XRCC3: variants seen among roughly 807,000 people sequenced by gnomAD.
XRCC3 encodes the protein X-ray repair cross complementing 3.
In XRCC3, 34 loss-of-function variants were observed where a neutral mutation model predicts 29.2. The observed-to-expected ratio is 1.16, with a 90% CI of 0.88 to 1.55. XRCC3 has a LOEUF of 1.55. Ranked by LOEUF, XRCC3 falls within the 40% of genes most tolerant of loss-of-function variation. XRCC3 has a pLI of 0.00. For synonymous variants in XRCC3, 223 were observed against 211.3 expected (o/e 1.06, Z -0.48); for missense variants, 463 against 467.6 (o/e 0.99, Z 0.09).
chr14:103,710,841 C>A, intron 4 of XRCC3, 192 bp downstream of exon 4: 1 of 551,214 alleles, frequency 1.8e-6, no homozygotes, highest in Non-Finnish European at 3.2e-6. Flanking sequence ...GAAAGAAATC[C>A]ATGTAGTTAA....
intron 6 of XRCC3, chr14:103,703,673 T>A: frequency 1.6e-5 from 6 of 371,134 alleles, no homozygotes; most frequent in South Asian, 1.4e-4. Context: ...CGTTCCCCAC[T>A]GCAGGGCAGG....
At chr14:103,714,078 C>G (rs970042841) in intron 1 of XRCC3, 1 of 152,248 alleles carries the variant, frequency 6.6e-6, no homozygotes, top group Non-Finnish European at 1.5e-5. Flanking sequence ...AGCAGAGCAA[C>G]CGGACCCTGG....
rs1251835140 is a variant in XRCC3, at chr14:103,698,874, T to TG, written c.964dup (p.His322ProfsTer37). The stretch of plus-strand genomic sequence containing the variant: ...GTAGGAACAGGAGGAGGGGGGCAGG[T>TG]GGGGGGCAGAGAGCACCCGCAGGGT... On this transcript the variant is annotated frameshift_variant, in exon 10 of 10. Transcript: ENST00000555055. LOFTEE classifies it low-confidence loss of function (END_TRUNC). The TG allele has an allele frequency of 3.7e-6, 6 of 1,605,908 alleles. No homozygotes were observed. Among genetic ancestry groups the TG allele is most frequent in the Admixed American group, 1.7e-5 (1 of 59,156 alleles).
intron 6 of XRCC3, chr14:103,703,748 C>A: frequency 3.5e-6 from 1 of 287,428 alleles, no homozygotes; most frequent in Non-Finnish European, 6.9e-6. Flanking sequence ...CACATGGCCA[C>A]CCTCAAGGCC....
intron 4 of XRCC3, chr14:103,709,045 A>G (rs982058851): frequency 1.2e-4 from 41 of 348,594 alleles, no homozygotes; most frequent in African/African-American, 6.0e-4. Context: ...GCAGGAAAAA[A>G]CCAGCACCGA....
chr14:103,698,787 C>T lies in XRCC3; in HGVS notation c.*11G>A, dbSNP rs1243605686. The T allele has an allele frequency of 1.3e-6, 2 of 1,582,482 alleles. No individual in the cohort carries two copies. Among genetic ancestry groups the T allele is most frequent in the African/African-American group, 2.7e-5 (2 of 74,396 alleles). On this transcript the variant is annotated 3_prime_UTR_variant, in exon 10 of 10. Transcript: ENST00000555055. ...CTTCTCAGGCAGGGCTGTTGTGCAG[C>T]CGCCACCGTGTCAGTGGGACTGGGT...
intron 6 of XRCC3, chr14:103,705,134 C>G (rs1041044224): frequency 6.6e-6 from 1 of 152,246 alleles, no homozygotes; most frequent in Admixed American, 6.5e-5. Context: ...GCATCTGGCC[C>G]GCTTGAGGCC....
chr14:103,700,849 G>A, intron 7 of XRCC3: 1 of 815,214 alleles, frequency 1.2e-6, no homozygotes. Flanking sequence ...CTGCCAGGCT[G>A]GGCCTCCAAG....
At chr14:103,713,164 C>T (rs3212032) in intron 1 of XRCC3, 63 of 152,598 alleles carry the variant, frequency 4.1e-4, no homozygotes, top group African/African-American at 1.4e-3. Flanking sequence ...GCCACCAGCC[C>T]ATGGCCTGTT....
At chr14:103,706,661 C>G in intron 6 of XRCC3, 1 of 410,892 alleles carries the variant, frequency 2.4e-6, no homozygotes, top group South Asian at 2.1e-5. Flanking sequence ...GCTGCCCTCC[C>G]TGCGTTGCTG....
At chr14:103,711,826 G>T (rs971000495) in intron 2 of XRCC3, 3 of 409,656 alleles carry the variant, frequency 7.3e-6, no homozygotes, top group African/African-American at 6.2e-5. Context: ...GTCACATAAG[G>T]CCTTTCCAAC....
intron 4 of XRCC3, chr14:103,709,070 G>A (rs913346459): frequency 1.0e-4 from 35 of 349,028 alleles, no homozygotes; most frequent in African/African-American, 6.0e-4. Flanking sequence ...TCCACCACCC[G>A]CCCACCAGGC....
In XRCC3 at chr14:103,698,297, G is replaced by A. The variant is rs3212118; in HGVS notation, c.*501C>T. 0.026 allele frequency: 4,524 copies of A among 176,534 alleles called. 227 individuals carry two copies. The highest frequency in any genetic ancestry group is 0.1 in the African/African-American group (4,306 of 41,898). 10.9% of individuals were successfully genotyped at this position (176,534 alleles called of 1,614,324 possible). A position where few individuals can be genotyped will look rare whatever the true frequency, so the allele number is the denominator to read the frequency against. On this transcript the variant is annotated 3_prime_UTR_variant, in exon 10 of 10. Coordinates refer to ENST00000555055, the MANE Select transcript of XRCC3 (RefSeq NM_005432.4). ...ACCCAGAGGTGGGTGAGGAGGAGCC[G>A]CCTGCCTGCAGCCCCACTGTGGCCT...
At chr14:103,702,913 C>T (rs1312183001) in intron 7 of XRCC3, 1 of 538,524 alleles carries the variant, frequency 1.9e-6, no homozygotes, top group South Asian at 2.0e-5. Flanking sequence ...CGTCTGATCC[C>T]CAAGGCACAC....
chr14:103,710,975 C>T, intron 4 of XRCC3, 58 bp downstream of exon 4: 2 of 1,580,788 alleles, frequency 1.3e-6, no homozygotes, highest in Non-Finnish European at 1.7e-6. Context: ...TGTTAACCTG[C>T]CTTATATAAA....
chr14:103,707,088 T>C lies in XRCC3; in HGVS notation c.321A>G (p.Gly107=), dbSNP rs374120119. 1.9e-6 allele frequency: 3 copies of C among 1,556,340 alleles called. No homozygotes were observed. The highest frequency in any genetic ancestry group is 2.6e-6 in the Non-Finnish European group (3 of 1,151,232). The change falls in exon 6 of 10, where the codon GGA becomes GGG. Residue 107 remains glycine, a synonymous_variant. Coordinates refer to ENST00000555055, the MANE Select transcript of XRCC3 (RefSeq NM_005432.4). ...LPLDGITELA[G]RSSAGKTQLA... ...GCTGGGTCTTCCCTGCCGAGCTGCG[T>C]CCGGCCAGCTCAGTGATGCCGTCCA...
In XRCC3 at chr14:103,698,866, G is replaced by T; in HGVS notation, c.973C>A (p.Pro325Thr). The change falls in exon 10 of 10, where the codon CCC (proline) becomes ACC (threonine). Residue 325 changes from proline (P) to threonine (T), a missense_variant. Transcript: ENST00000555055. ...CTGATCGTGTAGGAACAGGAGGAGG[G>T]GGGCAGGTGGGGGGCAGAGAGCACC... ...LRVLSAPHLP[P>T]SSCSYTISAE... 1 of 1,607,274 alleles carries T rather than the reference G, an allele frequency of 6.2e-7. No individual in the cohort carries two copies. Among genetic ancestry groups the T allele is most frequent in the Non-Finnish European group, 8.5e-7 (1 of 1,177,484 alleles).
Position 103,699,663 on chromosome 14 carries a change from C to G in XRCC3, c.562-87G>C, listed in dbSNP as rs2082952033. On this transcript the variant is annotated intron_variant, in intron 7 of 9. Coordinates refer to ENST00000555055, the MANE Select transcript of XRCC3 (RefSeq NM_005432.4). ...CCCGTTTGGACTGTCACTCGACCGT[C>G]TGAAAACCTTCCTACCCACCTGGGG... is the stretch of plus-strand genomic sequence containing the variant. 4 of 1,380,520 alleles carry G rather than the reference C, an allele frequency of 2.9e-6. No individual in the cohort carries two copies. The South Asian group carries it at 3.5e-5, about 12-fold the overall frequency. The allele number at this position is 1,380,520 out of a possible 1,614,324, so 85.5% of individuals were successfully genotyped here.
chr14:103,706,858 G>C (rs747470789), intron 6 of XRCC3, 145 bp downstream of exon 6: 1 of 956,640 alleles, frequency 1.0e-6, no homozygotes, highest in Non-Finnish European at 1.6e-6. Flanking sequence ...TGGAAGGAGC[G>C]AGGGCAATCA....
Sources: gnomAD v4.1 joint callset for allele counts on GRCh38, gnomAD v4.1.1 for gene constraint, MANE v1.5 for transcripts, NCBI Gene and HGNC (gene_info 2026-07-23, HGNC 2026-07-21) for gene names.